Variants in VRK3 observed in about 807,000 individuals in gnomAD.
VRK3 encodes the protein serine/threonine-protein kinase VRK3.
In VRK3, 50 loss-of-function variants were observed where a neutral mutation model predicts 60.4. The observed-to-expected ratio is 0.83, with a 90% CI of 0.66 to 1.05. The LOEUF is 1.05. Among genes scored for constraint, VRK3 ranks in the 50% least tolerant of loss-of-function variants. The pLI is 0.00. For synonymous variants in VRK3, 246 were observed against 227.8 expected, an observed-to-expected ratio of 1.08 and a Z score of -0.72; for missense variants, 549 against 585.3, an observed-to-expected ratio of 0.94 and a Z score of 0.64.
At chr19:50,008,467 AGGAGCAAAGG>A (rs1423253035) in intron 4 of VRK3, among the ~76,000 whole-genome samples, 5 of 152,128 alleles carry the variant, frequency 3.3e-5, no homozygotes, top group Admixed American at 2.0e-4. Context: ...GAGGATAATG[AGGAGCAAAGG>A]GGACGCCTCA....
At chr19:49,999,545 CCT>C (rs1488481547) in intron 6 of VRK3, 3 of 152,274 alleles carry the variant, frequency 2.0e-5, no homozygotes, top group Non-Finnish European at 4.4e-5. Flanking sequence ...GCATTCAGCC[CCT>C]GACCTTTCGA....
chr19:50,014,932 G>A (rs2077051159), intron 3 of VRK3, among the ~76,000 whole-genome samples: 1 of 152,190 alleles, frequency 6.6e-6, no homozygotes, highest in Admixed American at 6.5e-5. Context: ...AGAGAGGTGA[G>A]GACCAGGGAT....
Position 49,979,077 on chromosome 19 carries a change from TC to T in VRK3, c.*11+5del, listed in dbSNP as rs2076377965. The T allele has an allele frequency of 6.3e-7, 1 of 1,593,232 alleles. No individual in the cohort carries two copies. Among genetic ancestry groups the T allele is most frequent in the African/African-American group, 1.3e-5 (1 of 74,406 alleles). ...GAGAGGCTTAAGCCTCACAAGCTCT[TC>T]CCACCTGGATTCCACCTAGGGCACC... On this transcript the variant is annotated splice_donor_5th_base_variant and intron_variant, in intron 14 of 14. Transcript: ENST00000316763.
chr19:50,007,202 C>T (rs2076908686), intron 5 of VRK3, among the ~76,000 whole-genome samples: 2 of 152,142 alleles, frequency 1.3e-5, no homozygotes, highest in African/African-American at 2.4e-5. Context: ...ACGTGGGGAT[C>T]CATCCTCTCT....
At chr19:49,985,893 G>A (rs562074075) in intron 12 of VRK3, among the ~76,000 whole-genome samples, 1 of 152,312 alleles carries the variant, frequency 6.6e-6, no homozygotes, top group Admixed American at 6.5e-5. Context: ...GCCCAGGTTT[G>A]AGCCCAGGAG....
intron 1 of VRK3, among the ~76,000 whole-genome samples, chr19:50,022,340 G>GT (rs368577473): frequency 6.6e-6 from 1 of 152,292 alleles, no homozygotes; most frequent in East Asian, 1.9e-4. Flanking sequence ...TCACCAGCCT[G>GT]GTCTAGGCCA....
chr19:49,981,317 G>C (rs1369448228), intron 12 of VRK3: 3 of 342,286 alleles, frequency 8.8e-6, no homozygotes, highest in Non-Finnish European at 1.1e-5. Flanking sequence ...GAGGCCGAGG[G>C]GGGTGGATCA....
intron 5 of VRK3, among the ~76,000 whole-genome samples, chr19:50,002,210 G>A (rs1426925153): frequency 6.6e-6 from 1 of 152,026 alleles, no homozygotes; most frequent in East Asian, 1.9e-4. Flanking sequence ...GGCTGGTATC[G>A]TCTAAGACAC....
chr19:49,985,673 G>A (rs1600658129), intron 12 of VRK3, among the ~76,000 whole-genome samples: 1 of 152,122 alleles, frequency 6.6e-6, no homozygotes, highest in South Asian at 2.1e-4. Context: ...CCTGTCTCCC[G>A]CAATAGGATG....
At chr19:49,988,786 C>T (rs1193784813) in intron 11 of VRK3, among the ~76,000 whole-genome samples, 1 of 152,188 alleles carries the variant, frequency 6.6e-6, no homozygotes, top group Non-Finnish European at 1.5e-5. Flanking sequence ...GTGCCAGGCC[C>T]AGCTCACTTC....
At chr19:49,986,305 G>C (rs576541116) in intron 12 of VRK3, 1 of 153,056 alleles carries the variant, frequency 6.5e-6, no homozygotes, top group African/African-American at 2.4e-5. Context: ...GAGGTTTAGA[G>C]CATAGTGCCA....
intron 12 of VRK3, 136 bp downstream of exon 12, chr19:49,988,236 G>A (rs2076550658): frequency 7.3e-7 from 1 of 1,368,086 alleles, no homozygotes; most frequent in African/African-American, 1.5e-5. Flanking sequence ...GCACATGCCT[G>A]TGCGGCTCAG....
At chr19:50,021,989 A>T (rs1002624214) in intron 1 of VRK3, among the ~76,000 whole-genome samples, 2 of 152,076 alleles carry the variant, frequency 1.3e-5, no homozygotes, top group Non-Finnish European at 2.9e-5. Flanking sequence ...GGCGAGCCAG[A>T]CACATGATTT....
chr19:50,019,513 CT>C (rs776345117), intron 2 of VRK3, among the ~76,000 whole-genome samples: 143 of 151,636 alleles, frequency 9.4e-4, no homozygotes, highest in Non-Finnish European at 1.8e-3. Flanking sequence ...CTGTACACTT[CT>C]TTTTTATTTT....
At chr19:49,989,357 C>T (rs1178815883) in intron 11 of VRK3, among the ~76,000 whole-genome samples, 1 of 152,226 alleles carries the variant, frequency 6.6e-6, no homozygotes, top group Non-Finnish European at 1.5e-5. Context: ...TCCTGGATGA[C>T]TCCTAGGCAA....
At chr19:50,004,327 T>C (rs28594879) in intron 5 of VRK3, among the ~76,000 whole-genome samples, 7,952 of 151,974 alleles carry the variant, frequency 0.052, 686 homozygotes, top group African/African-American at 0.18. Context: ...ATCTCTTTCT[T>C]ACTGTTGGTT....
At chr19:49,984,735 G>A (rs1251641725) in intron 12 of VRK3, among the ~76,000 whole-genome samples, 1 of 152,068 alleles carries the variant, frequency 6.6e-6, no homozygotes, top group Non-Finnish European at 1.5e-5. Context: ...GGACTCAAGT[G>A]ATCCTTCCAC....
chr19:49,978,931 C>T (rs2076375783), intron 14 of VRK3, 152 bp downstream of exon 14: 3 of 754,426 alleles, frequency 4.0e-6, no homozygotes, highest in Non-Finnish European at 6.0e-6. Context: ...CTGGGAAGTT[C>T]AAGGACCGTG....
At chr19:50,001,980 AGCACGGACCCTG>A (rs2076814834) in intron 5 of VRK3, among the ~76,000 whole-genome samples, 1 of 152,170 alleles carries the variant, frequency 6.6e-6, no homozygotes, top group African/African-American at 2.4e-5. Context: ...CCCAGAGCCC[AGCACGGACCCTG>A]GCACATCAGG....
Sources: allele counts gnomAD v4.1 joint callset (sites outside exome capture counted in the v4.1 genomes callset), GRCh38; gene constraint gnomAD v4.1.1; transcripts MANE v1.5; gene names NCBI Gene and HGNC (gene_info 2026-07-23, HGNC 2026-07-21).